SPATA17: variants seen among roughly 807,000 people sequenced by gnomAD.
The protein encoded by SPATA17 is spermatogenesis associated 17.
In SPATA17, 53 loss-of-function variants were observed where a neutral mutation model predicts 62.2. That is an observed-to-expected ratio of 0.85 (90% CI 0.68 to 1.07). The LOEUF (loss-of-function observed/expected upper bound fraction) is 1.07. Among genes scored for constraint, SPATA17 ranks in the 50% least tolerant of loss-of-function variants. SPATA17 has a pLI of 0.00. For missense variants in SPATA17, 466 were observed against 425.5 expected, an observed-to-expected ratio of 1.10 and a Z score of -0.84; for synonymous variants, 146 against 146.8, an observed-to-expected ratio of 0.99 and a Z score of 0.04.
chr1:217,697,033 C>G (rs1671475334), intron 5 of SPATA17, among the ~76,000 whole-genome samples: 3 of 152,124 alleles, frequency 2.0e-5, no homozygotes. Context: ...TTGTTTGAGA[C>G]AGTCTTGCTC....
At chr1:217,840,128 A>C (rs1675357497) in intron 9 of SPATA17, among the ~76,000 whole-genome samples, 2 of 152,160 alleles carry the variant, frequency 1.3e-5, no homozygotes, top group Non-Finnish European at 2.9e-5. Context: ...GTGCACAGTA[A>C]TGTCTCAATT....
intron 9 of SPATA17, among the ~76,000 whole-genome samples, chr1:217,817,046 GA>G (rs765124861): frequency 3.9e-5 from 6 of 151,946 alleles, no homozygotes; most frequent in Non-Finnish European, 8.8e-5. Flanking sequence ...TAAAAAATTA[GA>G]AGAAAAAATG....
At chr1:217,698,577 TATA>T (rs1220307893) in intron 5 of SPATA17, among the ~76,000 whole-genome samples, 2 of 85,890 alleles carry the variant, frequency 2.3e-5, no homozygotes, top group African/African-American at 8.6e-5. Flanking sequence ...CACATGCAGT[TATA>T]AAAAAAAAAA....
chr1:217,780,611 A>C (rs1251723781), intron 7 of SPATA17, among the ~76,000 whole-genome samples: 1 of 152,176 alleles, frequency 6.6e-6, no homozygotes, highest in African/African-American at 2.4e-5. Context: ...CCATTGCTCC[A>C]TGTGAATGCT....
At chr1:217,809,299 T>C (rs1050226685) in intron 9 of SPATA17, among the ~76,000 whole-genome samples, 1 of 152,168 alleles carries the variant, frequency 6.6e-6, no homozygotes, top group African/African-American at 2.4e-5. Flanking sequence ...TCATTTAGCC[T>C]AGTTCACCCT....
intron 7 of SPATA17, among the ~76,000 whole-genome samples, chr1:217,780,861 T>C (rs2102975987): frequency 6.6e-6 from 1 of 152,210 alleles, no homozygotes; most frequent in South Asian, 2.1e-4. Flanking sequence ...ATGATGAACA[T>C]CGGCATAGAG....
chr1:217,750,248 G>A (rs1672873559), intron 6 of SPATA17, among the ~76,000 whole-genome samples: 1 of 151,820 alleles, frequency 6.6e-6, no homozygotes, highest in South Asian at 2.1e-4. Flanking sequence ...ATATCTTAGT[G>A]AAAATTGATA....
intron 9 of SPATA17, among the ~76,000 whole-genome samples, chr1:217,829,559 T>G (rs1558068109): frequency 8.0e-6 from 1 of 125,292 alleles, no homozygotes; most frequent in East Asian, 2.6e-4. Flanking sequence ...ACCCAGCAGG[T>G]GGAGGTTGCA....
intron 5 of SPATA17, among the ~76,000 whole-genome samples, chr1:217,722,889 C>A (rs1002714059): frequency 6.6e-6 from 1 of 152,076 alleles, no homozygotes; most frequent in African/African-American, 2.4e-5. Context: ...ATTGCCAATG[C>A]CATACTGGCA....
At chr1:217,795,691 G>A (rs1674119159) in intron 8 of SPATA17, among the ~76,000 whole-genome samples, 1 of 151,884 alleles carries the variant, frequency 6.6e-6, no homozygotes, top group African/African-American at 2.4e-5. Flanking sequence ...TTGACTTCAT[G>A]GAGCAAATGG....
chr1:217,647,968 C>T (rs747872935), intron 1 of SPATA17, among the ~76,000 whole-genome samples: 4 of 152,168 alleles, frequency 2.6e-5, no homozygotes, highest in South Asian at 2.1e-4. Flanking sequence ...GATGATCCGC[C>T]CACCTTGGCC....
chr1:217,681,815 T>C (rs1671091459), intron 4 of SPATA17, among the ~76,000 whole-genome samples: 1 of 152,056 alleles, frequency 6.6e-6, no homozygotes, highest in Non-Finnish European at 1.5e-5. Flanking sequence ...TTTTTATTGA[T>C]CCAATATTCA....
chr1:217,707,158 C>A (rs1019633033), intron 5 of SPATA17, among the ~76,000 whole-genome samples: 1 of 152,164 alleles, frequency 6.6e-6, no homozygotes, highest in Admixed American at 6.5e-5. Context: ...AGCCACCATG[C>A]CTGGCCCTGT....
chr1:217,779,406 C>T (rs949705150), intron 7 of SPATA17, among the ~76,000 whole-genome samples: 2 of 151,390 alleles, frequency 1.3e-5, no homozygotes, highest in Admixed American at 1.3e-4. Context: ...TTTATTTTCT[C>T]TTTCAGTGTT....
chr1:217,656,847 C>T (rs10495064), intron 3 of SPATA17, among the ~76,000 whole-genome samples: 29,425 of 152,056 alleles, frequency 0.19, 3,138 homozygotes, highest in African/African-American at 0.29. Context: ...GGACACACTG[C>T]TATTGCTGTT....
At chr1:217,771,484 A>G (rs1571795042) in intron 6 of SPATA17, among the ~76,000 whole-genome samples, 1 of 152,284 alleles carries the variant, frequency 6.6e-6, no homozygotes, top group South Asian at 2.1e-4. Flanking sequence ...TTGAGACAAT[A>G]GTATGTTAAG....
intron 9 of SPATA17, among the ~76,000 whole-genome samples, chr1:217,822,633 T>C (rs920327091): frequency 2.0e-5 from 3 of 146,708 alleles, no homozygotes; most frequent in African/African-American, 7.5e-5. Context: ...ATGATGTATA[T>C]CTATATATAT....
intron 5 of SPATA17, among the ~76,000 whole-genome samples, chr1:217,720,372 T>A (rs897452650): frequency 2.0e-5 from 3 of 152,264 alleles, no homozygotes; most frequent in African/African-American, 7.2e-5. Context: ...ATTATTGTTT[T>A]TCTAAACTTC....
At chr1:217,761,257 T>A (rs535994983) in intron 6 of SPATA17, among the ~76,000 whole-genome samples, 1 of 152,322 alleles carries the variant, frequency 6.6e-6, no homozygotes, top group African/African-American at 2.4e-5. Flanking sequence ...TCTTCTTCAG[T>A]AATTTCTGTA....
Sources: allele counts gnomAD v4.1 joint callset (sites outside exome capture counted in the v4.1 genomes callset), GRCh38; gene constraint gnomAD v4.1.1; transcripts MANE v1.5; gene names NCBI Gene and HGNC (gene_info 2026-07-23, HGNC 2026-07-21).